Variants in SLC17A1 observed in about 807,000 individuals in gnomAD.
The protein encoded by SLC17A1 is solute carrier family 17 member 1, also known as sodium-dependent phosphate transport protein 1.
In SLC17A1, 51 loss-of-function variants were observed where a neutral mutation model predicts 53.5. The ratio of observed to expected loss-of-function variants is 0.95; its 90% CI spans 0.76 to 1.20. The LOEUF is 1.20. Ranked by LOEUF, SLC17A1 falls within the 50% of genes most tolerant of loss-of-function variation. The pLI is 0.00. For missense variants in SLC17A1, 538 were observed against 568.2 expected (o/e 0.95, Z 0.54); for synonymous variants, 179 against 198.8 (o/e 0.90, Z 0.84).
At chr6:25,819,952 A>G (rs756371960) in intron 3 of SLC17A1, 37 bp from the exon 4 acceptor site, 2 of 1,381,562 alleles carry the variant, frequency 1.4e-6, no homozygotes. Context: ...ATCACTCTGC[A>G]TATCAGAAAT....
intron 11 of SLC17A1, among the ~76,000 whole-genome samples, chr6:25,799,353 A>G (rs1165214): frequency 0.046 from 7,009 of 151,180 alleles, 461 homozygotes; most frequent in African/African-American, 0.14. Context: ...AAGATTTATT[A>G]CTCCCATATT....
the SLC17A1 span, among the ~76,000 whole-genome samples, chr6:25,751,569 A>G: frequency 6.6e-6 from 1 of 152,362 alleles, no homozygotes; most frequent in African/African-American, 2.4e-5. Flanking sequence ...TCCATATTCC[A>G]AATAAAGCCT....
At chr6:25,823,695 T>C (rs925713957) in intron 3 of SLC17A1, among the ~76,000 whole-genome samples, 3 of 152,034 alleles carry the variant, frequency 2.0e-5, no homozygotes, top group Non-Finnish European at 4.4e-5. Context: ...TAGAAGTTCT[T>C]TATAAGATAT....
chr6:25,751,839 A>G, the SLC17A1 span, among the ~76,000 whole-genome samples: 1 of 145,050 alleles, frequency 6.9e-6, no homozygotes, highest in Non-Finnish European at 1.6e-5. Flanking sequence ...CTGTTACGGC[A>G]GAAGGAAAAA....
At chr6:25,769,150 A>T in the SLC17A1 span, 2 of 1,614,054 alleles carry the variant, frequency 1.2e-6, no homozygotes, top group Middle Eastern at 1.7e-4. Flanking sequence ...ACTGACTCCC[A>T]GGGCTACTGG....
intron 6 of SLC17A1, among the ~76,000 whole-genome samples, chr6:25,814,123 T>C (rs903261086): frequency 5.3e-5 from 8 of 152,240 alleles, no homozygotes; most frequent in Non-Finnish European, 1.0e-4. Flanking sequence ...ATTGTTTCTA[T>C]GAGTTTTTTA....
chr6:25,828,160 G>GA (rs769312499), intron 2 of SLC17A1, among the ~76,000 whole-genome samples: 8 of 152,120 alleles, frequency 5.3e-5, no homozygotes, highest in Non-Finnish European at 5.9e-5. Context: ...TCCAAGGTGG[G>GA]AAAAATAGAG....
intron 12 of SLC17A1, 150 bp from the exon 13 acceptor site, chr6:25,783,368 T>A (rs1763308381): frequency 6.6e-6 from 1 of 152,242 alleles, no homozygotes; most frequent in African/African-American, 2.4e-5. Flanking sequence ...GCCTCAGTGA[T>A]AGGTGATCCT....
In SLC17A1 at chr6:25,819,543, T is replaced by A. The variant is rs139128715; in HGVS notation, c.497A>T (p.Glu166Val). ...EIYVKWAPPL[E>V]RGRLTSMSTS... is the part of the protein sequence containing the mutation. Reference sequence around the variant, plus strand: ...ACTCATAGAAGTAAGTCGGCCTCGTTCCAGGGGAGGAGCCCATTTGACATA... The same window carrying A: ...ACTCATAGAAGTAAGTCGGCCTCGTACCAGGGGAGGAGCCCATTTGACATA... The change falls in exon 5 of 13, where the codon GAA (glutamate) becomes GTA (valine). Residue 166 changes from glutamate (E) to valine (V), a missense_variant. Transcript: ENST00000244527. 4.8e-5 allele frequency: 77 copies of A among 1,614,162 alleles called. No homozygotes were observed. In the African/African-American group the frequency reaches 8.9e-4, roughly 19 times the overall value.
the SLC17A1 span, chr6:25,776,456 T>C: frequency 9.8e-7 from 1 of 1,020,678 alleles, no homozygotes; most frequent in Non-Finnish European, 1.4e-6. Flanking sequence ...TATTGGCTCA[T>C]TATAGTAACA....
the SLC17A1 span, among the ~76,000 whole-genome samples, chr6:25,738,959 C>T: frequency 1.4e-3 from 219 of 152,044 alleles, no homozygotes; most frequent in African/African-American, 4.7e-3. Flanking sequence ...TACAGATCAC[C>T]TTGGGAAACA....
At chr6:25,732,035 G>A in the SLC17A1 span, 1 of 1,433,654 alleles carries the variant, frequency 7.0e-7, no homozygotes, top group Non-Finnish European at 9.5e-7. Context: ...TCAGCAGCTT[G>A]TAGATGTAAA....
At chr6:25,806,418 T>C (rs575225442) in intron 10 of SLC17A1, among the ~76,000 whole-genome samples, 2 of 152,054 alleles carry the variant, frequency 1.3e-5, no homozygotes, top group African/African-American at 4.8e-5. Context: ...ACAACCAACA[T>C]CATACGAAAT....
the SLC17A1 span, chr6:25,773,244 A>T: frequency 1.3e-6 from 2 of 1,539,800 alleles, no homozygotes. Flanking sequence ...ACTTCAATCC[A>T]TCCAGTGCTA....
At chr6:25,726,465 T>C in the SLC17A1 span, 2 of 1,613,740 alleles carry the variant, frequency 1.2e-6, no homozygotes, top group African/African-American at 1.3e-5. Context: ...GCAAACCCGC[T>C]CTAGAAGAGC....
the SLC17A1 span, among the ~76,000 whole-genome samples, chr6:25,772,325 A>G: frequency 6.6e-6 from 1 of 152,290 alleles, no homozygotes; most frequent in East Asian, 1.9e-4. Flanking sequence ...GCTAATTTTC[A>G]TATCTATCCC....
At chr6:25,810,744 C>T (rs960069060) in intron 10 of SLC17A1, among the ~76,000 whole-genome samples, 1 of 152,166 alleles carries the variant, frequency 6.6e-6, no homozygotes. Context: ...AGCAATTCCA[C>T]TCCTGGGTGT....
intron 1 of SLC17A1, among the ~76,000 whole-genome samples, chr6:25,831,536 C>A (rs954708293): frequency 1.3e-5 from 2 of 152,072 alleles, no homozygotes; most frequent in African/African-American, 4.8e-5. Context: ...ACACATGGTA[C>A]AAACTCCCCT....
At chr6:25,797,226 GC>G (rs1222114388) in intron 12 of SLC17A1, among the ~76,000 whole-genome samples, 6 of 152,140 alleles carry the variant, frequency 3.9e-5, no homozygotes, top group Non-Finnish European at 8.8e-5. Flanking sequence ...TTATAGGAAT[GC>G]CTATCCTGGC....
Sources: gnomAD v4.1 joint callset for allele counts (sites outside exome capture counted in the v4.1 genomes callset) on GRCh38, gnomAD v4.1.1 for gene constraint, MANE v1.5 for transcripts, NCBI Gene and HGNC (gene_info 2026-07-23, HGNC 2026-07-21) for gene names.